METTL25: variants seen among roughly 807,000 people sequenced by gnomAD.
The protein encoded by METTL25 is probable methyltransferase-like protein 25.
METTL25 carries 64 observed loss-of-function variants against 71.6 expected under a neutral mutation model. That is an observed-to-expected ratio of 0.89 (90% CI 0.73 to 1.10). The LOEUF (loss-of-function observed/expected upper bound fraction) is 1.10, where lower values mean the gene tolerates loss of function less well. Among genes scored for constraint, METTL25 ranks in the 50% least tolerant of loss-of-function variants. The pLI, the probability that METTL25 is intolerant of heterozygous loss-of-function variation, is 0.00. For synonymous variants in METTL25, 287 were observed against 250.3 expected (o/e 1.15, Z -1.38); for missense variants, 807 against 707.0 (o/e 1.14, Z -1.60).
intron 8 of METTL25, among the ~76,000 whole-genome samples, chr12:82,446,768 T>C (rs1417946100): frequency 1.3e-5 from 2 of 151,814 alleles, no homozygotes; most frequent in Admixed American, 6.6e-5. Flanking sequence ...AGGTGTAAGC[T>C]ACCACACCCG....
At chr12:82,476,977 C>T (rs1437924584) in intron 10 of METTL25, among the ~76,000 whole-genome samples, 2 of 151,786 alleles carry the variant, frequency 1.3e-5, no homozygotes, top group Non-Finnish European at 3.0e-5. Flanking sequence ...GGTCCCAATG[C>T]AGTTATTTCA....
At chr12:82,449,109 T>C (rs1890954126) in intron 8 of METTL25, among the ~76,000 whole-genome samples, 2 of 152,182 alleles carry the variant, frequency 1.3e-5, no homozygotes, top group Admixed American at 6.5e-5. Context: ...GAGTAGAATT[T>C]TAATTAGATC....
chr12:82,399,139 A>G lies in METTL25; in HGVS notation c.876A>G (p.Gln292=). ...CTGTAATTTCTAATATCAGAAACCA[A>G]ATGGAAACCCTTCATTCTCAGCCAC... ...SGSVISNIRN[Q]METLHSQPHQ... Residue 292 remains glutamine (Q), a synonymous_variant, in exon 4 of 12, where the codon CAA becomes CAG. Coordinates refer to ENST00000248306, the MANE Select transcript of METTL25 (RefSeq NM_032230.3). 2 of 1,613,836 alleles carry G rather than the reference A, an allele frequency of 1.2e-6. No individual in the cohort carries two copies. The highest frequency in any genetic ancestry group is 1.7e-6 in the Non-Finnish European group (2 of 1,179,876).
intron 5 of METTL25, among the ~76,000 whole-genome samples, chr12:82,420,466 C>A (rs1888378013): frequency 6.6e-6 from 1 of 151,996 alleles, no homozygotes. Flanking sequence ...TTTCCAAACA[C>A]ATGAAGTTGT....
intron 5 of METTL25, among the ~76,000 whole-genome samples, chr12:82,410,996 C>G (rs771611678): frequency 6.6e-6 from 1 of 152,004 alleles, no homozygotes; most frequent in Non-Finnish European, 1.5e-5. Context: ...TAGAAAATCC[C>G]CACTAAATCA....
chr12:82,458,067 A>G (rs1228981433), intron 9 of METTL25, among the ~76,000 whole-genome samples: 2 of 152,072 alleles, frequency 1.3e-5, no homozygotes, highest in African/African-American at 4.8e-5. Flanking sequence ...TAAATTAAAA[A>G]ATTTATTATC....
intron 5 of METTL25, among the ~76,000 whole-genome samples, chr12:82,416,195 A>G (rs756771407): frequency 6.6e-6 from 1 of 152,142 alleles, no homozygotes; most frequent in Non-Finnish European, 1.5e-5. Flanking sequence ...AGAATCGTTA[A>G]GTATCTCCTT....
intron 8 of METTL25, among the ~76,000 whole-genome samples, chr12:82,440,386 C>T (rs1313025430): frequency 6.6e-6 from 1 of 151,930 alleles, no homozygotes; most frequent in South Asian, 2.1e-4. Context: ...ACCTCCAAAA[C>T]CAATGTTCTC....
At chr12:82,420,993 C>T (rs1246266865) in intron 5 of METTL25, among the ~76,000 whole-genome samples, 1 of 152,062 alleles carries the variant, frequency 6.6e-6, no homozygotes. Flanking sequence ...TCCGAAGTAG[C>T]TCGGATTACA....
At chr12:82,371,943 A>G (rs1159720401) in intron 1 of METTL25, among the ~76,000 whole-genome samples, 15 of 152,200 alleles carry the variant, frequency 9.9e-5, no homozygotes, top group African/African-American at 2.9e-4. Context: ...ATCTGAGTCT[A>G]TATCCCAGTG....
intron 7 of METTL25, among the ~76,000 whole-genome samples, chr12:82,437,841 T>A (rs188465728): frequency 9.2e-5 from 14 of 151,732 alleles, no homozygotes; most frequent in Middle Eastern, 3.4e-3. Context: ...ACTCATTTTT[T>A]AAAAAAATAA....
At chr12:82,394,452 C>G (rs10862486) in intron 3 of METTL25, among the ~76,000 whole-genome samples, 139,979 of 152,090 alleles carry the variant, frequency 0.92, 64,779 homozygotes, top group East Asian at 1. Flanking sequence ...CCCTACATGC[C>G]GAACACCTTT....
chr12:82,365,225 T>A (rs988060647), intron 1 of METTL25, among the ~76,000 whole-genome samples: 2 of 152,220 alleles, frequency 1.3e-5, no homozygotes, highest in Non-Finnish European at 2.9e-5. Flanking sequence ...TGATAATAAA[T>A]ATTAGTTATA....
chr12:82,410,921 ACTT>A (rs1283540990), intron 5 of METTL25, among the ~76,000 whole-genome samples: 3 of 152,078 alleles, frequency 2.0e-5, no homozygotes, highest in African/African-American at 7.2e-5. Context: ...TAAGGGAACT[ACTT>A]CTTAAATTCA....
rs189505665 is a variant in METTL25 at position 82,386,677 on chromosome 12, A to G, written c.260-126A>G. 18 of 791,678 alleles carry G rather than the reference A, an allele frequency of 2.3e-5. No homozygotes were observed. In the Admixed American group the frequency reaches 3.9e-4, roughly 17 times the overall value. 49.0% of individuals were successfully genotyped at this position (791,678 alleles called of 1,614,324 possible). On this transcript the variant is annotated intron_variant, in intron 1 of 11. Transcript: ENST00000248306. The stretch of plus-strand genomic sequence containing the variant: ...ATGGAGCCATTAGATATATTGCCAA[A>G]ATTCACAACAAAATGAAAATATTGG...
Position 82,381,748 on chromosome 12 carries a change from C to T in METTL25, c.260-5055C>T, listed in dbSNP as rs984454836. ...ACCAAAGATTTAAGTCAAAAGTCAACTGCTGTGGAAGGCAAAGCCTTAAAA... is the reference window on the plus strand; with the variant it reads ...ACCAAAGATTTAAGTCAAAAGTCAATTGCTGTGGAAGGCAAAGCCTTAAAA... On this transcript the variant is annotated intron_variant, in intron 1 of 11. Transcript: ENST00000248306. 7.2e-5 allele frequency among the ~76,000 whole-genome samples: 11 copies of T among 152,222 alleles called. 1 individual carries two copies. Among genetic ancestry groups the T allele is most frequent in the Admixed American group, 4.6e-4 (7 of 15,278 alleles).
intron 5 of METTL25, among the ~76,000 whole-genome samples, chr12:82,420,351 T>C (rs1017479472): frequency 1.3e-5 from 2 of 152,140 alleles, no homozygotes; most frequent in Non-Finnish European, 2.9e-5. Flanking sequence ...GTCCTTTTAC[T>C]ACAAATGGAG....
At chr12:82,365,103 CAT>C (rs1882411749) in intron 1 of METTL25, among the ~76,000 whole-genome samples, 1 of 152,076 alleles carries the variant, frequency 6.6e-6, no homozygotes, top group Non-Finnish European at 1.5e-5. Flanking sequence ...TGAAGTTAAA[CAT>C]AGATCTAATA....
At position 82,403,096 on chromosome 12, in the gene METTL25, C is replaced by T. The variant is rs73350558; in HGVS notation, c.1245C>T (p.His415=). The change falls in exon 5 of 12, where the codon CAC becomes CAT. Residue 415 remains histidine, a synonymous_variant. Transcript: ENST00000248306. ...TTTGCAGTGTGGGTTGTTGCTACCACCTCTTATCTGAAGAATTTGAAAACC... is the reference window on the plus strand; with the variant it reads ...TTTGCAGTGTGGGTTGTTGCTACCATCTCTTATCTGAAGAATTTGAAAACC... The part of the protein sequence containing the change: ...KGVCSVGCCY[H]LLSEEFENQH... 1.0e-3 allele frequency: 1,639 copies of T among 1,612,646 alleles called. 21 individuals are homozygous for T. In the African/African-American group the frequency reaches 0.02, roughly 19 times the overall value.
Sources: gnomAD v4.1 joint callset for allele counts (sites outside exome capture counted in the v4.1 genomes callset) on GRCh38, gnomAD v4.1.1 for gene constraint, MANE v1.5 for transcripts, NCBI Gene and HGNC (gene_info 2026-07-23, HGNC 2026-07-21) for gene names.